Variants in RUBCN observed in about 807,000 individuals in gnomAD.
RUBCN encodes the protein rubicon autophagy regulator.
Under a neutral mutation model 113.2 loss-of-function variants are expected in RUBCN, and 74 were observed. That is an observed-to-expected ratio of 0.65 (90% confidence interval 0.54 to 0.79). RUBCN has a LOEUF of 0.79. Among genes scored for constraint, RUBCN ranks in the 30% least tolerant of loss-of-function variants. The pLI is 0.00. For synonymous variants in RUBCN, 480 were observed against 490.0 expected (o/e 0.98, Z 0.27); for missense variants, 1,109 against 1,251.7 (o/e 0.89, Z 1.72).
In RUBCN at chr3:197,670,914, G is replaced by A. The variant is rs1719727018; in HGVS notation, c.*4104C>T. On this transcript the variant is annotated 3_prime_UTR_variant, in exon 20 of 20. Coordinates refer to ENST00000296343, the MANE Select transcript of RUBCN (RefSeq NM_014687.4). Reference sequence around the variant, plus strand: ...GTAGCTGAGGGAGAAGACAGGAGATGAGGACACGCTCACTACTGCAGAGAC... The same window carrying A: ...GTAGCTGAGGGAGAAGACAGGAGATAAGGACACGCTCACTACTGCAGAGAC... 6.6e-6 allele frequency among the ~76,000 whole-genome samples: 1 copy of A among 152,226 alleles called. No homozygotes were observed. Among genetic ancestry groups the A allele is most frequent in the African/African-American group, 2.4e-5 (1 of 41,466 alleles).
intron 1 of RUBCN, among the ~76,000 whole-genome samples, chr3:197,742,735 A>C (rs758242744): frequency 3.9e-5 from 6 of 152,214 alleles, no homozygotes; most frequent in Non-Finnish European, 7.3e-5. Context: ...CAGAGAGAAG[A>C]AGCCTGGGAG....
intron 11 of RUBCN, 64 bp downstream of exon 11, chr3:197,693,651 C>G: frequency 3.6e-6 from 4 of 1,106,558 alleles, no homozygotes. Context: ...CACTTCGCAG[C>G]TTATCATTCT....
chr3:197,730,036 G>A (rs1041073699), intron 1 of RUBCN, among the ~76,000 whole-genome samples: 9 of 152,248 alleles, frequency 5.9e-5, no homozygotes, highest in African/African-American at 2.2e-4. Flanking sequence ...GTAGCAGGGT[G>A]AGGCTATCTG....
At chr3:197,702,118 A>G (rs1723746059) in intron 5 of RUBCN, among the ~76,000 whole-genome samples, 1 of 152,194 alleles carries the variant, frequency 6.6e-6, no homozygotes, top group Non-Finnish European at 1.5e-5. Flanking sequence ...GCAGCACAAC[A>G]AAGTGCTGAT....
At position 197,700,989 on chromosome 3, in the gene RUBCN, G is replaced by A. The variant is rs1410726731; in HGVS notation, c.885C>T (p.Ser295=). The A allele has an allele frequency of 1.2e-6, 2 of 1,614,102 alleles. No individual in the cohort carries two copies. The highest frequency in any genetic ancestry group is 1.7e-6 in the Non-Finnish European group (2 of 1,180,040). The change falls in exon 7 of 20, where the codon AGC becomes AGT. Residue 295 remains serine, a synonymous_variant. Coordinates refer to ENST00000296343, the MANE Select transcript of RUBCN (RefSeq NM_014687.4). ...RDSPLTPNEM[S]SSTLTSPIEA... is the part of the protein sequence containing the mutation. Reference sequence around the variant, plus strand: ...CTATGGGGCTGGTCAGAGTACTGGAGCTCATTTCATTTGGGGTCAAAGGGG... The same window carrying A: ...CTATGGGGCTGGTCAGAGTACTGGAACTCATTTCATTTGGGGTCAAAGGGG...
In RUBCN at chr3:197,703,631, C is replaced by T. The variant is rs200728428; in HGVS notation, c.487G>A (p.Ala163Thr). 13 of 1,613,532 alleles carry T rather than the reference C, an allele frequency of 8.1e-6. No individual in the cohort carries two copies. The highest frequency in any genetic ancestry group is 2.2e-5 in the South Asian group (2 of 91,042). The change falls in exon 5 of 20, where the codon GCT (alanine) becomes ACT (threonine). Residue 163 changes from alanine to threonine, a missense_variant. Physicochemically the swap from Ala to Thr is moderately conservative, Grantham distance 58. Coordinates refer to ENST00000296343, the MANE Select transcript of RUBCN (RefSeq NM_014687.4). The part of the protein sequence containing the change: ...YTDAAFLLSD[A>T]HVTAMLQCLE... ...CACTGCAGCATGGCCGTGACATGAG[C>T]GTCACTTAGCAGGAAGGCAGCATCT... is the stretch of plus-strand genomic sequence containing the variant.
chr3:197,734,179 C>A (rs2109008981), intron 1 of RUBCN, among the ~76,000 whole-genome samples: 1 of 151,670 alleles, frequency 6.6e-6, no homozygotes, highest in South Asian at 2.1e-4. Context: ...ATTGTTTGAA[C>A]CTGGGAGGCA....
intron 1 of RUBCN, among the ~76,000 whole-genome samples, chr3:197,734,339 G>A (rs1560476548): frequency 6.6e-6 from 1 of 151,550 alleles, no homozygotes; most frequent in East Asian, 1.9e-4. Flanking sequence ...AGAGGCCGAG[G>A]CTGGAGAATA....
intron 11 of RUBCN, among the ~76,000 whole-genome samples, chr3:197,686,579 T>C (rs752406782): frequency 6.6e-6 from 1 of 152,126 alleles, no homozygotes; most frequent in Non-Finnish European, 1.5e-5. Flanking sequence ...ACAACTAAGT[T>C]GACACGGGTG....
chr3:197,694,504 C>T lies in RUBCN; in HGVS notation c.1555G>A (p.Glu519Lys), dbSNP rs1367892620. The change falls in exon 10 of 20, where the codon GAG (glutamate) becomes AAG (lysine). Residue 519 changes from glutamate to lysine, a missense_variant. Glu to Lys is a moderately conservative substitution (Grantham distance 56, BLOSUM62 1). Coordinates refer to ENST00000296343, the MANE Select transcript of RUBCN (RefSeq NM_014687.4). The stretch of plus-strand genomic sequence containing the variant: ...TCTTCCTCTTCCACTTCCTCCTCCT[C>T]TAGGCACTGGCTCATCATGTTGCAC... ...MKCNMMSQCL[E>K]EEEVEEEDSD... 6.2e-7 allele frequency: 1 copy of T among 1,614,212 alleles called. No homozygotes were observed. The highest frequency in any genetic ancestry group is 2.2e-5 in the East Asian group (1 of 44,896).
rs563656830 is a variant in RUBCN, at chr3:197,681,624, A to G, written c.2191+211T>C. Among the ~76,000 whole-genome samples the G allele has an allele frequency of 2.0e-5, 3 of 152,174 alleles. No homozygotes were observed. The highest frequency in any genetic ancestry group is 7.2e-5 in the African/African-American group (3 of 41,508). ...CTTACCAGCTAGCTGGAACTACCCA[A>G]CTTTCCACAGGATACAATCCTGGCC... On this transcript the variant is annotated intron_variant, in intron 15 of 19. Coordinates refer to ENST00000296343, the MANE Select transcript of RUBCN (RefSeq NM_014687.4). This position sits in a 1 kb window ranked among gnomAD's most constrained non-coding sequence, Gnocchi z 5.5.
intron 1 of RUBCN, among the ~76,000 whole-genome samples, chr3:197,747,521 G>A (rs891653281): frequency 1.6e-4 from 24 of 151,766 alleles, no homozygotes; most frequent in Non-Finnish European, 2.9e-4. Context: ...GCACCAGGTC[G>A]AGAATCTTTA....
Position 197,704,541 on chromosome 3 carries a change from C to T in RUBCN, c.463+1G>A. 1.2e-6 allele frequency: 2 copies of T among 1,614,090 alleles called. No homozygotes were observed. The highest frequency in any genetic ancestry group is 1.7e-6 in the Non-Finnish European group (2 of 1,179,928). On this transcript the variant is annotated splice_donor_variant, in intron 4 of 19. Transcript: ENST00000296343. LOFTEE classifies it high-confidence loss of function. ...GACAGTCCTAAGTGGCCTCTACCTA[C>T]CTGTGTAGAATTTTCTGATATACTG...
intron 11 of RUBCN, among the ~76,000 whole-genome samples, chr3:197,685,701 G>C (rs1184166768): frequency 6.6e-6 from 1 of 152,154 alleles, no homozygotes; most frequent in Admixed American, 6.5e-5. Flanking sequence ...CTCGTAATTA[G>C]CATAGCCTAT....
At chr3:197,744,895 T>C (rs1452514825) in intron 1 of RUBCN, among the ~76,000 whole-genome samples, 1 of 152,150 alleles carries the variant, frequency 6.6e-6, no homozygotes, top group Non-Finnish European at 1.5e-5. Flanking sequence ...ATTCAGATTA[T>C]CGTAGTGTTT....
chr3:197,714,399 G>C (rs532275847), intron 2 of RUBCN, among the ~76,000 whole-genome samples: 2 of 152,234 alleles, frequency 1.3e-5, no homozygotes, highest in Non-Finnish European at 1.5e-5. Flanking sequence ...TAGCTCACTG[G>C]AGCCTCAACC....
At chr3:197,737,036 A>T, upstream of RUBCN, 1 of 845,160 alleles carries the variant, frequency 1.2e-6, no homozygotes, top group Non-Finnish European at 1.5e-6. Context: ...CGCTCCCGCA[A>T]GCCGCGCCCT....
At chr3:197,729,514 A>G (rs1011623038) in intron 1 of RUBCN, among the ~76,000 whole-genome samples, 1 of 151,966 alleles carries the variant, frequency 6.6e-6, no homozygotes, top group African/African-American at 2.4e-5. Context: ...CGGCCTCCCA[A>G]AGTGCTGGGA....
At position 197,694,538 on chromosome 3, in the gene RUBCN, C is replaced by G. The variant is rs1439159808; in HGVS notation, c.1521G>C (p.Glu507Asp). ...GGCTCATCATGTTGCACTTCATTAG[C>G]TCGATGGCAGCAATTAAGGACTCTG... Reference protein sequence around the residue: ...SISESLIAAIELMKCNMMSQC... With the variant: ...SISESLIAAIDLMKCNMMSQC... The change falls in exon 10 of 20, where the codon GAG (glutamate) becomes GAC (aspartate). Residue 507 changes from glutamate (E) to aspartate (D), a missense_variant. Around this residue, in one of 3 missense-constraint regions of RUBCN, gnomAD observed 736 missense variants for 779.6 expected, o/e 0.94. Transcript: ENST00000296343. 6.2e-7 allele frequency: 1 copy of G among 1,614,204 alleles called. No homozygotes were observed. Among genetic ancestry groups the G allele is most frequent in the Non-Finnish European group, 8.5e-7 (1 of 1,180,024 alleles).
Sources: allele counts gnomAD v4.1 joint callset (sites outside exome capture counted in the v4.1 genomes callset), GRCh38; gene constraint gnomAD v4.1.1; regional missense constraint gnomAD v4.1.1; non-coding constraint Gnocchi (gnomAD v3.1); transcripts MANE v1.5; gene names NCBI Gene and HGNC (gene_info 2026-07-23, HGNC 2026-07-21).